BARD1: variants seen among roughly 807,000 people sequenced by gnomAD.
BARD1 encodes the protein BRCA1-associated RING domain protein 1.
In BARD1, 73 loss-of-function variants were observed where a neutral mutation model predicts 77.0. The ratio of observed to expected loss-of-function variants is 0.95; its 90% confidence interval spans 0.79 to 1.15. BARD1 has a LOEUF of 1.15. Among genes scored for constraint, BARD1 ranks in the 50% most tolerant of loss-of-function variants. BARD1 has a pLI of 0.00. For missense variants in BARD1, 993 were observed against 938.8 expected (o/e 1.06, Z -0.75); for synonymous variants, 384 against 338.0 (o/e 1.14, Z -1.49).
intron 1 of BARD1, 124 bp from the exon 2 acceptor site, chr2:214,797,241 G>C (rs1356039474): frequency 1.2e-6 from 1 of 813,900 alleles, no homozygotes; most frequent in Non-Finnish European, 2.2e-6. Context: ...AAGGTATTAA[G>C]GATGCATTCA....
At position 214,806,873 on chromosome 2, in the gene BARD1, AG is replaced by A. The variant is rs35152978; in HGVS notation, c.158+2538del. On this transcript the variant is annotated intron_variant, in intron 1 of 10. Coordinates refer to ENST00000260947, the MANE Select transcript of BARD1 (RefSeq NM_000465.4). ...TGGGTGACAGAGTGAAACTTTGCCT[AG>A]GGAAAAAAAAAAAAAAAAGGCACCC... Among the ~76,000 whole-genome samples, 46 of 57,514 alleles carry A rather than the reference AG, an allele frequency of 8.0e-4. 1 individual carries two copies. Among genetic ancestry groups the A allele is most frequent in the African/African-American group, 1.3e-3 (21 of 16,352 alleles). The allele number at this position is 57,514 out of a possible 152,430, so 37.7% of individuals were successfully genotyped here. A position where few individuals can be genotyped will look rare whatever the true frequency, so the allele number is the denominator to read the frequency against.
chr2:214,759,481 T>C (rs1332871179), intron 6 of BARD1, among the ~76,000 whole-genome samples: 1 of 152,170 alleles, frequency 6.6e-6, no homozygotes, highest in South Asian at 2.1e-4. Flanking sequence ...CTTTTTTTCA[T>C]GATCTAGGGT....
intron 7 of BARD1, among the ~76,000 whole-genome samples, chr2:214,751,113 GTGTGTATATATATATA>G (rs1360956817): frequency 6.3e-3 from 58 of 9,138 alleles, no homozygotes; most frequent in South Asian, 0.037. Context: ...GTGTGTGTGT[GTGTGTATATATATATA>G]TATATATATA....
Position 214,752,572 on chromosome 2 carries a change from A to C in BARD1, c.1569-17T>G. The C allele has an allele frequency of 6.3e-7, 1 of 1,588,230 alleles. No individual in the cohort carries two copies. Among genetic ancestry groups the C allele is most frequent in the Admixed American group, 1.7e-5 (1 of 59,936 alleles). On this transcript the variant is annotated splice_polypyrimidine_tract_variant and intron_variant, in intron 6 of 10. Transcript: ENST00000260947. ...AATATATTACTGGTAAAATAAGTGC[A>C]GATGTGTTTAAGTAAGTCAAATGTG...
rs1574739590 is a variant in BARD1 at position 214,745,820 on chromosome 2, A to T, written c.1712T>A (p.Val571Glu). The T allele has an allele frequency of 6.2e-7, 1 of 1,614,068 alleles. No homozygotes were observed. Among genetic ancestry groups the T allele is most frequent in the East Asian group, 2.2e-5 (1 of 44,852 alleles). ...NTGQRRDGPL[V>E]LIGSGLSSEQ... ...TGAAGACAGCCCACTGCCTATAAGT[A>T]CAAGAGGTCCATCCCTACGCTGCCC... Residue 571 changes from valine to glutamate, a missense_variant, in exon 8 of 11, where the codon GTA becomes GAA. Val to Glu is a moderately radical substitution (Grantham distance 121). Transcript: ENST00000260947.
intron 4 of BARD1, among the ~76,000 whole-genome samples, chr2:214,776,307 T>A (rs556172253): frequency 1.3e-5 from 2 of 152,108 alleles, no homozygotes. Context: ...AAATAAAAAA[T>A]TTTCTCTATA....
intron 1 of BARD1, among the ~76,000 whole-genome samples, chr2:214,797,599 C>T (rs1235879266): frequency 3.3e-5 from 5 of 152,018 alleles, no homozygotes; most frequent in East Asian, 1.9e-4. Context: ...GCTGGGACAA[C>T]AGGAATAAAC....
At chr2:214,754,994 A>T (rs568818973) in intron 6 of BARD1, among the ~76,000 whole-genome samples, 2 of 152,262 alleles carry the variant, frequency 1.3e-5, no homozygotes, top group Non-Finnish European at 1.5e-5. Flanking sequence ...CATGTGTAAG[A>T]TTTCTTATTA....
In BARD1 at chr2:214,728,626, C is replaced by T. The variant is rs1373689789; in HGVS notation, c.*50G>A. The T allele has an allele frequency of 2.6e-6, 4 of 1,563,652 alleles. No homozygotes were observed. The highest frequency in any genetic ancestry group is 2.6e-6 in the Non-Finnish European group (3 of 1,138,570). ...CATTAAAAACAGTACAATGACTGGG[C>T]TCTCACAAACCGTGCAAATTCAATT... On this transcript the variant is annotated 3_prime_UTR_variant, in exon 11 of 11. Coordinates refer to ENST00000260947, the MANE Select transcript of BARD1 (RefSeq NM_000465.4).
chr2:214,751,151 A>ATTTTTTTTTTT (rs60746999), intron 7 of BARD1, among the ~76,000 whole-genome samples: 3 of 37,182 alleles, frequency 8.1e-5, no homozygotes, highest in African/African-American at 1.2e-4. Context: ...ATATATATAT[A>ATTTTTTTTTTT]TTTTTTTTTT....
At chr2:214,782,448 T>C (rs1232245250) in intron 3 of BARD1, among the ~76,000 whole-genome samples, 2 of 151,808 alleles carry the variant, frequency 1.3e-5, no homozygotes, top group Non-Finnish European at 2.9e-5. Flanking sequence ...CATTAAACTA[T>C]ATGGTTAGAA....
chr2:214,744,060 C>T (rs765388447), intron 9 of BARD1, among the ~76,000 whole-genome samples: 5 of 152,266 alleles, frequency 3.3e-5, no homozygotes, highest in Middle Eastern at 3.4e-3. Flanking sequence ...TCTATGTTAG[C>T]CATAGTATCA....
At chr2:214,733,180 G>A (rs1692430797) in intron 9 of BARD1, among the ~76,000 whole-genome samples, 1 of 151,848 alleles carries the variant, frequency 6.6e-6, no homozygotes, top group Non-Finnish European at 1.5e-5. Flanking sequence ...TTCCACTTCG[G>A]CGCTCTTCCT....
chr2:214,734,681 A>C (rs1692494865), intron 9 of BARD1, among the ~76,000 whole-genome samples: 1 of 152,322 alleles, frequency 6.6e-6, no homozygotes, highest in African/African-American at 2.4e-5. Flanking sequence ...CCAATGCTAA[A>C]AATCACACAC....
chr2:214,730,570 TAAAATCAAGC>T, intron 9 of BARD1, 62 bp from the exon 10 acceptor site: 1 of 1,349,370 alleles, frequency 7.4e-7, no homozygotes. Flanking sequence ...TCTCTCTCAT[TAAAATCAAGC>T]AATTTACCTA....
chr2:214,801,376 A>T (rs1175599448), intron 1 of BARD1, among the ~76,000 whole-genome samples: 1 of 152,226 alleles, frequency 6.6e-6, no homozygotes, highest in Non-Finnish European at 1.5e-5. Flanking sequence ...ACTGATAATT[A>T]TAAGTTACTG....
rs182687880 is a variant in BARD1 at position 214,752,130 on chromosome 2, A to G, written c.1677+317T>C. ...AAGTGTCTGAAATTATTTTATTTATATTAGTTCAATATTTACAGTTTGTCT... is the reference window on the plus strand; with the variant it reads ...AAGTGTCTGAAATTATTTTATTTATGTTAGTTCAATATTTACAGTTTGTCT... On this transcript the variant is annotated intron_variant, in intron 7 of 10. Coordinates refer to ENST00000260947, the MANE Select transcript of BARD1 (RefSeq NM_000465.4). Among the ~76,000 whole-genome samples, 336 of 152,242 alleles carry G rather than the reference A, an allele frequency of 2.2e-3. 1 individual carries two copies. The highest frequency in any genetic ancestry group is 7.8e-3 in the African/African-American group (325 of 41,558).
chr2:214,795,701 T>C (rs2106142799), intron 2 of BARD1, among the ~76,000 whole-genome samples: 1 of 152,264 alleles, frequency 6.6e-6, no homozygotes, highest in East Asian at 1.9e-4. Flanking sequence ...AGGACACATT[T>C]TGAGGCAGAA....
At chr2:214,796,873 C>T (rs915945434) in intron 2 of BARD1, 188 bp downstream of exon 2, 6 of 598,102 alleles carry the variant, frequency 1.0e-5, no homozygotes, top group Non-Finnish European at 1.8e-5. Flanking sequence ...CCTCTTTGAG[C>T]TTTGGTTTTC....
Sources: allele counts gnomAD v4.1 joint callset (sites outside exome capture counted in the v4.1 genomes callset), GRCh38; gene constraint gnomAD v4.1.1; transcripts MANE v1.5; gene names NCBI Gene and HGNC (gene_info 2026-07-23, HGNC 2026-07-21).